Variants in GPR137C observed in about 807,000 individuals in gnomAD.
GPR137C encodes integral membrane protein GPR137C.
A neutral mutation model predicts 43.4 loss-of-function variants in GPR137C; 27 were observed. That is an observed-to-expected ratio of 0.62 (90% CI 0.46 to 0.86). The LOEUF is 0.86. GPR137C is among the 40% of genes least tolerant of loss of function. The pLI, the probability that GPR137C is intolerant of heterozygous loss-of-function variation, is 0.00. For synonymous variants in GPR137C, 285 were observed against 226.9 expected, an observed-to-expected ratio of 1.26 and a Z score of -2.30; for missense variants, 522 against 534.6, an observed-to-expected ratio of 0.98 and a Z score of 0.23.
At chr14:52,580,443 A>G (rs986709809) in intron 1 of GPR137C, among the ~76,000 whole-genome samples, 1 of 152,166 alleles carries the variant, frequency 6.6e-6, no homozygotes, top group African/African-American at 2.4e-5. Context: ...GCTCACTGCA[A>G]TCTTCGCCTC....
Position 52,553,341 on chromosome 14 carries a change from A to C in GPR137C, c.194A>C (p.Tyr65Ser). The C allele has an allele frequency of 6.2e-7, 1 of 1,601,774 alleles. No individual in the cohort carries two copies. Among genetic ancestry groups the C allele is most frequent in the Non-Finnish European group, 8.5e-7 (1 of 1,178,120 alleles). The change falls in exon 1 of 7, where the codon TAC (tyrosine) becomes TCC (serine). Residue 65 changes from tyrosine to serine, a missense_variant. Around this residue, in one of 3 missense-constraint regions of GPR137C, gnomAD observed 437 missense variants for 425.7 expected, o/e 1.03. Transcript: ENST00000321662. ...LLYAALFAFA[Y>S]LQLWRLLLYR... ...TACGCCGCGCTGTTCGCCTTTGCCT[A>C]CCTGCAGCTGTGGCGGCTGCTCCTG...
intron 1 of GPR137C, among the ~76,000 whole-genome samples, chr14:52,587,067 A>G (rs1230738578): frequency 3.9e-5 from 6 of 152,092 alleles, no homozygotes; most frequent in African/African-American, 1.2e-4. Context: ...TCCAGCTTCA[A>G]CTTCTGCTGT....
intron 1 of GPR137C, among the ~76,000 whole-genome samples, chr14:52,584,497 A>G (rs1158681875): frequency 2.0e-5 from 3 of 152,132 alleles, no homozygotes; most frequent in African/African-American, 4.8e-5. Context: ...ACTTTTGTGC[A>G]TGTTTGTGGT....
At chr14:52,592,037 G>T (rs527647241) in intron 1 of GPR137C, among the ~76,000 whole-genome samples, 3 of 152,232 alleles carry the variant, frequency 2.0e-5, no homozygotes, top group Admixed American at 6.5e-5. Flanking sequence ...TCAGCTTTCT[G>T]CATATAGCTA....
In GPR137C at chr14:52,553,195, C is replaced by G. The variant is rs1220509623; in HGVS notation, c.48C>G (p.Ala16=). The change falls in exon 1 of 7, where the codon GCC becomes GCG. Residue 16 remains alanine, a synonymous_variant. Coordinates refer to ENST00000321662, the MANE Select transcript of GPR137C (RefSeq NM_001099652.2). ...CGGCGGCCGCTGCCGCCCCCGCAGCCGGCCGCGAGCCCTCCACGCCCGGCG... is the reference window on the plus strand; with the variant it reads ...CGGCGGCCGCTGCCGCCCCCGCAGCGGGCCGCGAGCCCTCCACGCCCGGCG... ...PGPAAAAAPA[A]GREPSTPGGG... 2 of 1,211,736 alleles carry G rather than the reference C, an allele frequency of 1.7e-6. No individual in the cohort carries two copies. The highest frequency in any genetic ancestry group is 4.1e-5 in the South Asian group (1 of 24,186). The allele number at this position is 1,211,736 out of a possible 1,614,324, so 75.1% of individuals were successfully genotyped here.
chr14:52,616,588 C>T (rs1170062295), intron 3 of GPR137C, among the ~76,000 whole-genome samples: 1 of 152,126 alleles, frequency 6.6e-6, no homozygotes, highest in Non-Finnish European at 1.5e-5. Flanking sequence ...GGCACTGCCC[C>T]CAGCCATGTT....
intron 3 of GPR137C, among the ~76,000 whole-genome samples, chr14:52,630,644 A>G (rs1451365228): frequency 2.6e-5 from 4 of 151,924 alleles, no homozygotes; most frequent in Admixed American, 1.3e-4. Context: ...CTTTTCATAT[A>G]CCTCTAAAAT....
intron 3 of GPR137C, among the ~76,000 whole-genome samples, chr14:52,624,023 A>G (rs1350899533): frequency 6.6e-6 from 1 of 151,888 alleles, no homozygotes; most frequent in Admixed American, 6.5e-5. Context: ...TAAGCTAATG[A>G]TCCATTCTTA....
At chr14:52,607,546 T>C (rs2038995677) in intron 3 of GPR137C, among the ~76,000 whole-genome samples, 1 of 152,232 alleles carries the variant, frequency 6.6e-6, no homozygotes, top group Non-Finnish European at 1.5e-5. Context: ...CTTTGTATAA[T>C]GACGTTTGTG....
intron 1 of GPR137C, among the ~76,000 whole-genome samples, chr14:52,569,962 A>C (rs2038439209): frequency 6.6e-6 from 1 of 152,188 alleles, no homozygotes; most frequent in Admixed American, 6.5e-5. Flanking sequence ...ACCTAGCAAG[A>C]CAGCCAACAT....
intron 1 of GPR137C, 51 bp downstream of exon 1, chr14:52,553,642 C>A: frequency 7.3e-7 from 1 of 1,364,890 alleles, no homozygotes; most frequent in Non-Finnish European, 9.8e-7. Flanking sequence ...GCGGGGCCGC[C>A]GGGATCAACT....
chr14:52,621,997 A>C (rs1045125711), intron 3 of GPR137C, among the ~76,000 whole-genome samples: 2 of 151,916 alleles, frequency 1.3e-5, no homozygotes, highest in Non-Finnish European at 2.9e-5. Flanking sequence ...GAAGATTGGC[A>C]TTGTTTTACA....
intron 1 of GPR137C, among the ~76,000 whole-genome samples, chr14:52,572,754 A>C (rs1438117129): frequency 6.6e-6 from 1 of 152,198 alleles, no homozygotes; most frequent in East Asian, 1.9e-4. Context: ...CAGGACAATC[A>C]GCCAAGATAG....
At chr14:52,631,131 A>G (rs1031189275) in intron 3 of GPR137C, among the ~76,000 whole-genome samples, 8 of 152,322 alleles carry the variant, frequency 5.3e-5, no homozygotes, top group African/African-American at 1.7e-4. Context: ...AACTATGTAA[A>G]TATATACTTC....
intron 4 of GPR137C, among the ~76,000 whole-genome samples, 155 bp downstream of exon 4, chr14:52,632,464 T>C (rs2039306377): frequency 6.6e-6 from 1 of 152,142 alleles, no homozygotes; most frequent in South Asian, 2.1e-4. Context: ...AAAATCTTTA[T>C]GTACGTGTGA....
chr14:52,633,774 C>A, intron 5 of GPR137C, 54 bp from the exon 6 acceptor site: 2 of 1,524,614 alleles, frequency 1.3e-6, no homozygotes, highest in Non-Finnish European at 1.8e-6. Context: ...TTCTAGCCTC[C>A]TTTCTTAGTG....
intron 2 of GPR137C, among the ~76,000 whole-genome samples, chr14:52,598,663 A>G (rs2038886637): frequency 6.6e-6 from 1 of 152,158 alleles, no homozygotes; most frequent in South Asian, 2.1e-4. Context: ...TGTTCCATGA[A>G]ATAGGTAATA....
chr14:52,584,093 C>A (rs1005981312), intron 1 of GPR137C, among the ~76,000 whole-genome samples: 2 of 152,156 alleles, frequency 1.3e-5, no homozygotes, highest in Non-Finnish European at 2.9e-5. Flanking sequence ...CCGTGCCAAA[C>A]CTGTTCATTC....
rs1423309647 is a variant in GPR137C at position 52,620,577 on chromosome 14, A to C, written c.718-11583A>C. Among the ~76,000 whole-genome samples the C allele has an allele frequency of 2.6e-5, 4 of 151,964 alleles. No homozygotes were observed. The East Asian group carries it at 5.8e-4, about 22-fold the overall frequency. ...AGGAAATACATACTCAAGAGCAAAA[A>C]CCAAAACTCAAAAGGCAATGAAGAC... On this transcript the variant is annotated intron_variant, in intron 3 of 6. Transcript: ENST00000321662.
Sources: gnomAD v4.1 joint callset for allele counts (sites outside exome capture counted in the v4.1 genomes callset) on GRCh38, gnomAD v4.1.1 for gene constraint, gnomAD v4.1.1 regional missense constraint, MANE v1.5 for transcripts, NCBI Gene and HGNC (gene_info 2026-07-23, HGNC 2026-07-21) for gene names.